XRCC3: variants seen among roughly 807,000 people sequenced by gnomAD.
XRCC3 encodes the protein DNA repair protein XRCC3.
Under a neutral mutation model 29.2 loss-of-function variants are expected in XRCC3, and 34 were observed. That is an observed-to-expected ratio of 1.16 (90% CI 0.88 to 1.55). The LOEUF (loss-of-function observed/expected upper bound fraction) is 1.55. XRCC3 is among the 40% of genes most tolerant of loss of function. The probability of loss-of-function intolerance (pLI) is 0.00; values close to 1 mark genes in which losing one functional copy is unlikely to be tolerated. For missense variants in XRCC3, 463 were observed against 467.6 expected (o/e 0.99, Z 0.09); for synonymous variants, 223 against 211.3 (o/e 1.06, Z -0.48).
chr14:103,704,774 A>G (rs1234789144), intron 6 of XRCC3: 1 of 152,220 alleles, frequency 6.6e-6, no homozygotes, highest in Non-Finnish European at 1.5e-5. Context: ...AATTTAAAAA[A>G]CAGGAAGGCT....
At chr14:103,699,684 T>A (rs1428860914) in intron 7 of XRCC3, 108 bp from the exon 8 acceptor site, 2 of 1,088,062 alleles carry the variant, frequency 1.8e-6, no homozygotes, top group Admixed American at 1.9e-5. Context: ...CCTACCCACC[T>A]GGGGCTCACA....
Position 103,715,395 on chromosome 14 carries a change from G to A in XRCC3, c.-318+29C>T, listed in dbSNP as rs576710393. 377 of 152,560 alleles carry A rather than the reference G, an allele frequency of 2.5e-3. 1 individual carries two copies. Among genetic ancestry groups the A allele is most frequent in the Non-Finnish European group, 4.8e-3 (326 of 68,242 alleles). 9.5% of individuals were successfully genotyped at this position (152,560 alleles called of 1,614,324 possible). Reference sequence around the variant, plus strand: ...CCCGCTGCCGCCCGGCTCGCAGCCCGGCTCGCAGCCCGGCTCGGCGGGCCT... The same window carrying A: ...CCCGCTGCCGCCCGGCTCGCAGCCCAGCTCGCAGCCCGGCTCGGCGGGCCT... On this transcript the variant is annotated intron_variant, in intron 1 of 9. Coordinates refer to ENST00000555055, the MANE Select transcript of XRCC3 (RefSeq NM_005432.4).
intron 7 of XRCC3, chr14:103,700,548 C>CAG (rs1459938727): frequency 2.2e-6 from 2 of 907,290 alleles, no homozygotes; most frequent in Non-Finnish European, 3.4e-6. Context: ...GGCTGTCCCT[C>CAG]AAGTCCAAGG....
rs941597646 is a variant in XRCC3, at chr14:103,707,055, C to T, written c.354G>A (p.Leu118=). The change falls in exon 6 of 10, where the codon CTG becomes CTA. Residue 118 remains leucine, a synonymous_variant. Coordinates refer to ENST00000555055, the MANE Select transcript of XRCC3 (RefSeq NM_005432.4). ...GGAACTGCACAGCCAGGCAGAGCTG[C>T]AGCGCCAGCTGGGTCTTCCCTGCCG... ...RSSAGKTQLA[L]QLCLAVQFPR... is the part of the protein sequence containing the mutation. The T allele has an allele frequency of 1.6e-5, 25 of 1,565,302 alleles. No homozygotes were observed. Among genetic ancestry groups the T allele is most frequent in the Non-Finnish European group, 2.2e-5 (25 of 1,157,648 alleles).
rs773761112 is a variant in XRCC3 at position 103,698,405 on chromosome 14, G to A, written c.*393C>T. Reference sequence around the variant, plus strand: ...GGTCCCAAGGCTGAGGGGGTCTGAGGCCCCAGCCCAGGGGGCAGGCCTCAG... The same window carrying A: ...GGTCCCAAGGCTGAGGGGGTCTGAGACCCCAGCCCAGGGGGCAGGCCTCAG... On this transcript the variant is annotated 3_prime_UTR_variant, in exon 10 of 10. Coordinates refer to ENST00000555055, the MANE Select transcript of XRCC3 (RefSeq NM_005432.4). 2.7e-5 allele frequency: 8 copies of A among 296,058 alleles called. No homozygotes were observed. The highest frequency in any genetic ancestry group is 3.9e-5 in the Non-Finnish European group (6 of 151,922). The allele number at this position is 296,058 out of a possible 1,614,324, so 18.3% of individuals were successfully genotyped here.
chr14:103,702,924 C>G (rs2083282725), intron 7 of XRCC3: 1 of 570,994 alleles, frequency 1.8e-6, no homozygotes, highest in African/African-American at 1.9e-5. Context: ...CAAGGCACAC[C>G]TTCAGCAAGG....
intron 6 of XRCC3, 53 bp from the exon 7 acceptor site, chr14:103,703,380 C>G: frequency 6.6e-7 from 1 of 1,518,704 alleles, no homozygotes; most frequent in African/African-American, 1.4e-5. Context: ...GGGCCTGTGA[C>G]TGCCACACAA....
intron 4 of XRCC3, chr14:103,709,241 C>A: frequency 5.5e-6 from 1 of 183,144 alleles, no homozygotes; most frequent in Non-Finnish European, 1.2e-5. Context: ...TACAGGGGTG[C>A]AGATCCCCAG....
Position 103,699,167 on chromosome 14 carries a change from T to G in XRCC3, c.787A>C (p.Met263Leu), listed in dbSNP as rs145063633. ...CCGTGTGCTGCGCCCTGCTCCTCCATGGCCTCTGTCACCTGGAAGAGCACA... is the reference window on the plus strand; with the variant it reads ...CCGTGTGCTGCGCCCTGCTCCTCCAGGGCCTCTGTCACCTGGAAGAGCACA... ...VLCINQVTEA[M>L]EEQGAAHGPL... Residue 263 changes from methionine (M) to leucine (L), a missense_variant, in exon 9 of 10, where the codon ATG becomes CTG. Physicochemically the swap from Met to Leu is conservative, Grantham distance 15. Coordinates refer to ENST00000555055, the MANE Select transcript of XRCC3 (RefSeq NM_005432.4). The G allele has an allele frequency of 3.8e-6, 6 of 1,567,432 alleles. No individual in the cohort carries two copies.
chr14:103,698,767 C>T lies in XRCC3; in HGVS notation c.*31G>A, dbSNP rs2082796897. ...CCGAGCCCCGTGTGTCGGGGCTTCT[C>T]AGGCAGGGCTGTTGTGCAGCCGCCA... On this transcript the variant is annotated 3_prime_UTR_variant, in exon 10 of 10. Transcript: ENST00000555055. 2 of 1,562,770 alleles carry T rather than the reference C, an allele frequency of 1.3e-6. No homozygotes were observed. The highest frequency in any genetic ancestry group is 4.7e-5 in the East Asian group (2 of 42,188).
chr14:103,711,654 A>G lies in XRCC3; in HGVS notation c.-260-87T>C, dbSNP rs1467940247. On this transcript the variant is annotated intron_variant, in intron 2 of 9. Transcript: ENST00000555055. ...CGCCCCCAGCAGCCAACAGCAGAAG[A>G]CAGCTTCCTGTGGGACGGGAGGAAG... 13 of 456,156 alleles carry G rather than the reference A, an allele frequency of 2.8e-5. No individual in the cohort carries two copies. The Admixed American group carries it at 3.1e-4, about 11-fold the overall frequency. The allele number at this position is 456,156 out of a possible 1,614,324, so 28.3% of individuals were successfully genotyped here.
rs150453512 is a variant in XRCC3, at chr14:103,708,849, G to A, written c.56-190C>T. 75 of 703,128 alleles carry A rather than the reference G, an allele frequency of 1.1e-4. No individual in the cohort carries two copies. The African/African-American group carries it at 1.1e-3, about 10-fold the overall frequency. The allele number at this position is 703,128 out of a possible 1,614,324, so 43.6% of individuals were successfully genotyped here. On this transcript the variant is annotated intron_variant, in intron 4 of 9. Transcript: ENST00000555055. ...CACAGTGTGGCCGATGCACAGGCACGAGGAAAGGGCTGCTGGACACTGCGC... is the reference window on the plus strand; with the variant it reads ...CACAGTGTGGCCGATGCACAGGCACAAGGAAAGGGCTGCTGGACACTGCGC...
intron 4 of XRCC3, chr14:103,709,131 C>A: frequency 3.4e-6 from 1 of 297,056 alleles, no homozygotes. Flanking sequence ...GGGAGGGGAG[C>A]GCTGGGAGGG....
At chr14:103,703,406 C>T in intron 6 of XRCC3, 79 bp from the exon 7 acceptor site, 2 of 1,446,736 alleles carry the variant, frequency 1.4e-6, no homozygotes, top group Non-Finnish European at 1.9e-6. Context: ...GTGCAGATGT[C>T]TCCCGCCATT....
At chr14:103,701,092 C>T (rs1369336750) in intron 7 of XRCC3, 2 of 1,374,616 alleles carry the variant, frequency 1.5e-6, no homozygotes, top group Admixed American at 2.0e-5. Flanking sequence ...ACCCTCTTCT[C>T]TAGGCAGACT....
rs1567047580 is a variant in XRCC3 at position 103,698,913 on chromosome 14, C to T, written c.926G>A (p.Gly309Asp). ...CACCCGCAGGGTCCGGGCTGGGCAGCCGAGGGCAGCCTCTTCCTCGCGGAG... is the reference window on the plus strand; with the variant it reads ...CACCCGCAGGGTCCGGGCTGGGCAGTCGAGGGCAGCCTCTTCCTCGCGGAG... ...DRLREEEAALGCPARTLRVLS... is the reference protein window; with the variant it reads ...DRLREEEAALDCPARTLRVLS... The change falls in exon 10 of 10, where the codon GGC becomes GAC. Residue 309 changes from glycine to aspartate, a missense_variant. Transcript: ENST00000555055. 1 of 1,600,382 alleles carries T rather than the reference C, an allele frequency of 6.2e-7. No homozygotes were observed.
chr14:103,702,903 C>T (rs566673628), intron 7 of XRCC3: 5 of 504,270 alleles, frequency 9.9e-6, no homozygotes, highest in African/African-American at 5.8e-5. Context: ...CCCCAGAGGC[C>T]GTCTGATCCC....
At chr14:103,701,081 C>T (rs2083158459) in intron 7 of XRCC3, 4 of 1,266,276 alleles carry the variant, frequency 3.2e-6, no homozygotes, top group Non-Finnish European at 2.2e-6. Context: ...CAACCAGCAA[C>T]ACCCTCTTCT....
chr14:103,699,564 C>CGG lies in XRCC3; in HGVS notation c.573_574insCC (p.Glu192ProfsTer4). The stretch of plus-strand genomic sequence containing the variant: ...ACGGGGACCTTCTTATTCACACACT[C>CGG]CAACAAGGTGTCCTGTGGGGACAGC... On this transcript the variant is annotated frameshift_variant, in exon 8 of 10. Transcript: ENST00000555055. LOFTEE classifies it high-confidence loss of function. 1 of 1,613,310 alleles carries CGG rather than the reference C, an allele frequency of 6.2e-7. No homozygotes were observed. Among genetic ancestry groups the CGG allele is most frequent in the Non-Finnish European group, 8.5e-7 (1 of 1,179,876 alleles).
Sources: gnomAD v4.1 joint callset for allele counts on GRCh38, gnomAD v4.1.1 for gene constraint, MANE v1.5 for transcripts, NCBI Gene and HGNC (gene_info 2026-07-23, HGNC 2026-07-21) for gene names.